The following CPNE8 variants were observed in gnomAD, a reference collection of about 807,000 sequenced individuals.
CPNE8 encodes the protein copine 8.
In CPNE8, 45 loss-of-function variants were observed where a neutral mutation model predicts 81.5. The observed-to-expected ratio is 0.55, with a 90% confidence interval of 0.44 to 0.71. CPNE8 has a LOEUF of 0.71. Ranked by LOEUF, CPNE8 falls within the 30% of genes least tolerant of loss-of-function variation. CPNE8 has a pLI of 0.00. For missense variants in CPNE8, 594 were observed against 672.1 expected, an observed-to-expected ratio of 0.88 and a Z score of 1.28; for synonymous variants, 252 against 226.3, an observed-to-expected ratio of 1.11 and a Z score of -1.02.
intron 19 of CPNE8, among the ~76,000 whole-genome samples, chr12:38,661,548 TA>T (rs901203191): frequency 1.3e-5 from 2 of 151,544 alleles, no homozygotes; most frequent in Non-Finnish European, 2.9e-5. Flanking sequence ...ATGGCACATA[TA>T]TACCTATGTA....
At chr12:38,666,999 A>C (rs1939070326) in intron 19 of CPNE8, among the ~76,000 whole-genome samples, 1 of 152,174 alleles carries the variant, frequency 6.6e-6, no homozygotes, top group Non-Finnish European at 1.5e-5. Flanking sequence ...TAAAGGGTTA[A>C]ATATCGTTAT....
chr12:38,714,079 T>C (rs1940327370), intron 13 of CPNE8, among the ~76,000 whole-genome samples: 1 of 152,090 alleles, frequency 6.6e-6, no homozygotes, highest in South Asian at 2.1e-4. Flanking sequence ...TTGAGAGACA[T>C]AGAGGACTAA....
chr12:38,798,615 C>G (rs1421077850), intron 6 of CPNE8, among the ~76,000 whole-genome samples: 1 of 151,950 alleles, frequency 6.6e-6, no homozygotes, highest in Non-Finnish European at 1.5e-5. Context: ...TAAAGACCAT[C>G]GAGACTAGGA....
intron 14 of CPNE8, among the ~76,000 whole-genome samples, chr12:38,699,881 T>G (rs903829889): frequency 6.6e-6 from 1 of 152,202 alleles, no homozygotes; most frequent in Admixed American, 6.5e-5. Flanking sequence ...TTCTTGGAAG[T>G]GCATTAAAAG....
chr12:38,679,577 C>T (rs1939367018), intron 16 of CPNE8: 2 of 984,948 alleles, frequency 2.0e-6, no homozygotes, highest in African/African-American at 3.5e-5. Flanking sequence ...AAATCAATTA[C>T]ATTTTACTTT....
intron 1 of CPNE8, among the ~76,000 whole-genome samples, chr12:38,883,103 T>C (rs1470010551): frequency 6.6e-6 from 1 of 152,222 alleles, no homozygotes; most frequent in Non-Finnish European, 1.5e-5. Context: ...ATAAATCATT[T>C]CACTTAACCC....
chr12:38,819,368 C>T lies in CPNE8; in HGVS notation c.407+10011G>A, dbSNP rs1943077469. ...TCTGCATATGGCTAGCCATAACTGA[C>T]TTATTATAATGCAATCAAGTTAGCC... On this transcript the variant is annotated intron_variant, in intron 6 of 19. Coordinates refer to ENST00000331366, the MANE Select transcript of CPNE8 (RefSeq NM_153634.3). 2.0e-5 allele frequency among the ~76,000 whole-genome samples: 3 copies of T among 152,162 alleles called. No individual in the cohort carries two copies. The South Asian group carries it at 6.2e-4, about 31-fold the overall frequency.
At chr12:38,782,805 C>G (rs1427656739) in intron 6 of CPNE8, among the ~76,000 whole-genome samples, 1 of 151,894 alleles carries the variant, frequency 6.6e-6, no homozygotes, top group Non-Finnish European at 1.5e-5. Flanking sequence ...CTCAGCCTTC[C>G]AAGTAGCTAG....
intron 1 of CPNE8, among the ~76,000 whole-genome samples, chr12:38,902,997 A>T (rs1484613783): frequency 6.6e-6 from 1 of 152,210 alleles, no homozygotes; most frequent in Non-Finnish European, 1.5e-5. Context: ...ACAAGTCACA[A>T]AGCCAGAATT....
chr12:38,859,299 C>A (rs1281530220), intron 3 of CPNE8, among the ~76,000 whole-genome samples: 1 of 151,864 alleles, frequency 6.6e-6, no homozygotes, highest in Non-Finnish European at 1.5e-5. Flanking sequence ...TATACACCAA[C>A]AATGAACCAT....
chr12:38,657,590 C>A (rs1239049445), intron 19 of CPNE8, among the ~76,000 whole-genome samples: 7 of 152,134 alleles, frequency 4.6e-5, no homozygotes, highest in Admixed American at 3.9e-4. Flanking sequence ...GGTCCCTGAC[C>A]CCCGTATAGC....
chr12:38,673,228 G>C (rs1216401310), intron 18 of CPNE8, among the ~76,000 whole-genome samples: 1 of 152,106 alleles, frequency 6.6e-6, no homozygotes, highest in Non-Finnish European at 1.5e-5. Context: ...AGTTTTCTGA[G>C]GCCTTCCCAG....
At chr12:38,770,944 TC>T (rs1205031218) in intron 7 of CPNE8, among the ~76,000 whole-genome samples, 2 of 152,148 alleles carry the variant, frequency 1.3e-5, no homozygotes, top group Non-Finnish European at 2.9e-5. Flanking sequence ...ACCTGCATAG[TC>T]AGCCGACTAA....
At chr12:38,903,845 G>T (rs1565671065) in intron 1 of CPNE8, among the ~76,000 whole-genome samples, 3 of 152,162 alleles carry the variant, frequency 2.0e-5, no homozygotes, top group Non-Finnish European at 4.4e-5. Flanking sequence ...ATCTCAGGCA[G>T]CACTTAAAGC....
intron 17 of CPNE8, among the ~76,000 whole-genome samples, chr12:38,676,834 T>A (rs1939300698): frequency 6.6e-6 from 1 of 152,154 alleles, no homozygotes; most frequent in Non-Finnish European, 1.5e-5. Context: ...AAACCTAAAT[T>A]ACCAAGTCCA....
chr12:38,699,548 C>A (rs1939883961), intron 14 of CPNE8, among the ~76,000 whole-genome samples: 1 of 152,120 alleles, frequency 6.6e-6, no homozygotes. Flanking sequence ...TTTCTTCTCT[C>A]TTTTTCCCCT....
Position 38,653,133 on chromosome 12 carries a change from A to G in CPNE8, c.*749T>C, listed in dbSNP as rs553818039. 2.6e-5 allele frequency: 4 copies of G among 152,526 alleles called. No homozygotes were observed. The East Asian group carries it at 5.8e-4, about 22-fold the overall frequency. The allele number at this position is 152,526 out of a possible 1,614,324, so 9.4% of individuals were successfully genotyped here. On this transcript the variant is annotated 3_prime_UTR_variant, in exon 20 of 20. Transcript: ENST00000331366. ...TATAGATCACAATGTTTGACTTTTT[A>G]TAATTTCTACTTAGTGTTACAAAAT...
chr12:38,729,122 G>A (rs1309444615), intron 11 of CPNE8, among the ~76,000 whole-genome samples: 1 of 152,058 alleles, frequency 6.6e-6, no homozygotes, highest in African/African-American at 2.4e-5. Context: ...ATGCTGACTA[G>A]CAGTAGATGA....
chr12:38,902,374 A>AAGAGAG (rs1319319861), intron 1 of CPNE8, among the ~76,000 whole-genome samples: 1 of 91,802 alleles, frequency 1.1e-5, no homozygotes, highest in African/African-American at 5.8e-5. Context: ...GAAAGAAAGA[A>AAGAGAG]AGAAAGAAAA....
Sources: allele counts gnomAD v4.1 joint callset (sites outside exome capture counted in the v4.1 genomes callset), GRCh38; gene constraint gnomAD v4.1.1; transcripts MANE v1.5; gene names NCBI Gene and HGNC (gene_info 2026-07-23, HGNC 2026-07-21).